The following PPP6R2 variants were observed in gnomAD, a reference collection of about 807,000 sequenced individuals.
PPP6R2 encodes protein phosphatase 6 regulatory subunit 2, also known as serine/threonine-protein phosphatase 6 regulatory subunit 2.
Under a neutral mutation model 100.2 loss-of-function variants are expected in PPP6R2, and 62 were observed. The ratio of observed to expected loss-of-function variants is 0.62; its 90% confidence interval spans 0.50 to 0.76. PPP6R2 has a LOEUF of 0.76. PPP6R2 is among the 30% of genes least tolerant of loss of function. The pLI is 0.00. For missense variants in PPP6R2, 1,142 were observed against 1,276.3 expected (o/e 0.89, Z 1.60); for synonymous variants, 525 against 514.7 (o/e 1.02, Z -0.27).
rs146430890 is a variant in PPP6R2 at position 50,438,263 on chromosome 22, C to T, written c.1929C>T (p.Asp643=). Residue 643 remains aspartate (D), a synonymous_variant, in exon 18 of 24, where the codon GAC becomes GAT. Transcript: ENST00000612753. ...ACGAGGACATCTGGGAGGACAGTGA[C>T]ACTCGCTGTGCTGCCCGGGTGATGG... is the stretch of plus-strand genomic sequence containing the variant. The part of the protein sequence containing the change: ...DEDEDIWEDS[D]TRCAARVMAR... The T allele has an allele frequency of 9.4e-4, 1,524 of 1,613,802 alleles. 3 individuals carry two copies. The highest frequency in any genetic ancestry group is 1.2e-3 in the Non-Finnish European group (1,420 of 1,179,968).
chr22:50,387,156 G>C (rs1252104079), intron 2 of PPP6R2, among the ~76,000 whole-genome samples: 1 of 152,094 alleles, frequency 6.6e-6, no homozygotes, highest in Non-Finnish European at 1.5e-5. Flanking sequence ...AACCTCCTGG[G>C]CTCAAGCGAT....
intron 12 of PPP6R2, 29 bp from the exon 13 acceptor site, chr22:50,434,937 G>C: frequency 6.3e-7 from 1 of 1,580,920 alleles, no homozygotes; most frequent in Middle Eastern, 1.7e-4. Flanking sequence ...GGGCCAGGAG[G>C]CCGCCCCGAT....
Position 50,378,384 on chromosome 22 carries a change from C to T in PPP6R2, c.-17+6234C>T, listed in dbSNP as rs78400531. 6.9e-3 allele frequency among the ~76,000 whole-genome samples: 1,055 copies of T among 151,872 alleles called. 6 individuals are homozygous for T. Among genetic ancestry groups the T allele is most frequent in the South Asian group, 0.031 (148 of 4,804 alleles). ...GGTGGATCACCTGAGGTGGGGAGTT[C>T]GAGACCAGCCTGACCAGCGTGGAGA... On this transcript the variant is annotated intron_variant, in intron 2 of 23. Coordinates refer to ENST00000612753, the MANE Select transcript of PPP6R2 (RefSeq NM_001242898.2).
intron 10 of PPP6R2, among the ~76,000 whole-genome samples, chr22:50,430,873 C>CAAAAAA (rs375308909): frequency 7.0e-5 from 6 of 85,670 alleles, no homozygotes; most frequent in Non-Finnish European, 1.2e-4. Flanking sequence ...GACTCCGTCT[C>CAAAAAA]AAAAAAAAAA....
At chr22:50,378,698 G>A (rs1201241829) in intron 2 of PPP6R2, among the ~76,000 whole-genome samples, 1 of 149,402 alleles carries the variant, frequency 6.7e-6, no homozygotes, top group Non-Finnish European at 1.5e-5. Context: ...TGAGCAACAT[G>A]GTGAAACCCC....
At chr22:50,426,655 C>T (rs537414128) in intron 10 of PPP6R2, among the ~76,000 whole-genome samples, 4 of 151,920 alleles carry the variant, frequency 2.6e-5, no homozygotes, top group African/African-American at 7.2e-5. Flanking sequence ...GCCAATGTGG[C>T]GAAACCCCAT....
At chr22:50,381,681 G>C (rs2053058056) in intron 2 of PPP6R2, among the ~76,000 whole-genome samples, 1 of 152,126 alleles carries the variant, frequency 6.6e-6, no homozygotes. Flanking sequence ...AGCACTTTGG[G>C]AGGCCGAGGC....
intron 3 of PPP6R2, among the ~76,000 whole-genome samples, chr22:50,402,743 G>A (rs1247328228): frequency 6.6e-6 from 1 of 152,190 alleles, no homozygotes; most frequent in Non-Finnish European, 1.5e-5. Context: ...TGTTTGACTG[G>A]AATTTCTATA....
chr22:50,437,480 T>TCCCCCCCCCCCCC, intron 15 of PPP6R2, 26 bp from the exon 16 acceptor site: 1 of 728,390 alleles, frequency 1.4e-6, no homozygotes. Context: ...TGTCTGTCCG[T>TCCCCCCCCCCCCC]CCCTCCCTCC....
At chr22:50,338,303 G>T in the PPP6R2 span, among the ~76,000 whole-genome samples, 2 of 146,536 alleles carry the variant, frequency 1.4e-5, no homozygotes, top group African/African-American at 2.5e-5. Context: ...TGTAGTGTGT[G>T]GTGTGTGTGT....
chr22:50,336,436 G>A, the PPP6R2 span, among the ~76,000 whole-genome samples: 1 of 151,642 alleles, frequency 6.6e-6, no homozygotes, highest in Admixed American at 6.6e-5. Flanking sequence ...GAGTGCGAAG[G>A]CGCGATCTCA....
chr22:50,355,288 A>G (rs1216941262), intron 1 of PPP6R2, among the ~76,000 whole-genome samples: 1 of 137,334 alleles, frequency 7.3e-6, no homozygotes, highest in Non-Finnish European at 1.5e-5. Context: ...CCTAGGCTGG[A>G]GTGCAGCGGC....
intron 16 of PPP6R2, 61 bp downstream of exon 16, chr22:50,437,664 T>C (rs973756438): frequency 3.5e-6 from 5 of 1,441,198 alleles, no homozygotes; most frequent in African/African-American, 1.4e-5. Context: ...TGAGCTCCCG[T>C]GGAGGCAGCT....
At chr22:50,390,954 G>A (rs1360180681) in intron 2 of PPP6R2, among the ~76,000 whole-genome samples, 6 of 150,354 alleles carry the variant, frequency 4.0e-5, no homozygotes, top group Admixed American at 1.3e-4. Context: ...AGCCGAGGTC[G>A]TGCCACTGCA....
intron 22 of PPP6R2, 179 bp from the exon 23 acceptor site, chr22:50,443,687 C>A: frequency 1.2e-6 from 1 of 826,730 alleles, no homozygotes; most frequent in Non-Finnish European, 1.8e-6. Flanking sequence ...GAACTTGGGG[C>A]AGCAGAGCTG....
chr22:50,384,455 T>G lies in PPP6R2; in HGVS notation c.-16-9438T>G, dbSNP rs555180364. 1.8e-4 allele frequency among the ~76,000 whole-genome samples: 27 copies of G among 152,204 alleles called. No individual in the cohort carries two copies. In the East Asian group the frequency reaches 5.0e-3, roughly 28 times the overall value. On this transcript the variant is annotated intron_variant, in intron 2 of 23. Coordinates refer to ENST00000612753, the MANE Select transcript of PPP6R2 (RefSeq NM_001242898.2). ...CTGTAGTCCCAGCTACTCAGGAGGCTGAGGCAGGAGAATCGCTTGAACTTG... is the reference window on the plus strand; with the variant it reads ...CTGTAGTCCCAGCTACTCAGGAGGCGGAGGCAGGAGAATCGCTTGAACTTG...
intron 2 of PPP6R2, among the ~76,000 whole-genome samples, chr22:50,387,552 G>C (rs144250381): frequency 6.6e-6 from 1 of 151,912 alleles, no homozygotes; most frequent in African/African-American, 2.4e-5. Context: ...ATTTTTTTCC[G>C]GGCCAAATGG....
At position 50,378,105 on chromosome 22, in the gene PPP6R2, CAA is replaced by C. The variant is rs1260226324; in HGVS notation, c.-17+5957_-17+5958del. On this transcript the variant is annotated intron_variant, in intron 2 of 23. Coordinates refer to ENST00000612753, the MANE Select transcript of PPP6R2 (RefSeq NM_001242898.2). ...AAAGGAGAGTAAAACTACAAAGCAC[CAA>C]AGAGTGTTCTTAAAATAAACGAAAA... Among the ~76,000 whole-genome samples, 6 of 152,178 alleles carry C rather than the reference CAA, an allele frequency of 3.9e-5. No homozygotes were observed. In the East Asian group the frequency reaches 5.8e-4, roughly 15 times the overall value.
intron 2 of PPP6R2, among the ~76,000 whole-genome samples, chr22:50,378,717 A>C (rs76290938): frequency 8.2e-4 from 82 of 100,220 alleles, no homozygotes; most frequent in Admixed American, 2.0e-3. Flanking sequence ...CCATCTCTAC[A>C]AAAAAAAAAA....
Sources: gnomAD v4.1 joint callset for allele counts (sites outside exome capture counted in the v4.1 genomes callset) on GRCh38, gnomAD v4.1.1 for gene constraint, MANE v1.5 for transcripts, NCBI Gene and HGNC (gene_info 2026-07-23, HGNC 2026-07-21) for gene names.